RBFOX3: variants seen among roughly 807,000 people sequenced by gnomAD.
RBFOX3 encodes RNA binding protein fox-1 homolog 3.
Under a neutral mutation model 48.7 loss-of-function variants are expected in RBFOX3, and 17 were observed. The observed-to-expected ratio is 0.35, with a 90% confidence interval of 0.24 to 0.52. The LOEUF (loss-of-function observed/expected upper bound fraction) is 0.52, where lower values mean the gene tolerates loss of function less well. Among genes scored for constraint, RBFOX3 ranks in the 20% least tolerant of loss-of-function variants. The pLI, the probability that RBFOX3 is intolerant of heterozygous loss-of-function variation, is 0.94. For synonymous variants in RBFOX3, 212 were observed against 209.5 expected (o/e 1.01, Z -0.10); for missense variants, 382 against 497.5 (o/e 0.77, Z 2.21).
At chr17:79,345,031 T>C (rs945270608) in intron 2 of RBFOX3, among the ~76,000 whole-genome samples, 5 of 152,254 alleles carry the variant, frequency 3.3e-5, no homozygotes, top group African/African-American at 1.2e-4. Flanking sequence ...AAGTTTTTCT[T>C]TGGTTTTGTG....
rs182934856 is a variant in RBFOX3 at position 79,255,572 on chromosome 17, C to T, written c.-73-19767G>A. Among the ~76,000 whole-genome samples the T allele has an allele frequency of 2.0e-5, 3 of 152,214 alleles. No individual in the cohort carries two copies. The East Asian group carries it at 5.9e-4, about 30-fold the overall frequency. On this transcript the variant is annotated intron_variant, in intron 3 of 14. Transcript: ENST00000693108. Reference sequence around the variant, plus strand: ...AGCCAGAAGCCGAGGCTAGCATGAGCCAGCGGCCTTTAATGGGACACTCCA... The same window carrying T: ...AGCCAGAAGCCGAGGCTAGCATGAGTCAGCGGCCTTTAATGGGACACTCCA...
chr17:79,189,913 T>G (rs979293505), intron 4 of RBFOX3, among the ~76,000 whole-genome samples: 1 of 152,208 alleles, frequency 6.6e-6, no homozygotes, highest in African/African-American at 2.4e-5. Flanking sequence ...GGGCCCCCAC[T>G]GCAGACATGA....
intron 5 of RBFOX3, among the ~76,000 whole-genome samples, chr17:79,109,495 T>C (rs1236473108): frequency 6.6e-6 from 1 of 152,210 alleles, no homozygotes; most frequent in South Asian, 2.1e-4. Flanking sequence ...GCCATCCTCC[T>C]TGGTCCCAAG....
intron 1 of RBFOX3, among the ~76,000 whole-genome samples, chr17:79,547,822 T>C (rs1209213199): frequency 6.8e-6 from 1 of 147,636 alleles, no homozygotes; most frequent in Non-Finnish European, 1.5e-5. Flanking sequence ...GTTGGGTACC[T>C]GGGCTGTACT....
the RBFOX3 span, among the ~76,000 whole-genome samples, chr17:79,656,761 G>A: frequency 2.5e-4 from 14 of 55,650 alleles, no homozygotes; most frequent in South Asian, 1.9e-3. Flanking sequence ...AAGGAAGGAA[G>A]GAAGGAAGGA....
At chr17:79,359,541 C>T (rs1427176888) in intron 2 of RBFOX3, among the ~76,000 whole-genome samples, 2 of 152,210 alleles carry the variant, frequency 1.3e-5, no homozygotes, top group African/African-American at 2.4e-5. Flanking sequence ...CTCCTAATCT[C>T]TGCACCCAGA....
intron 4 of RBFOX3, among the ~76,000 whole-genome samples, chr17:79,173,832 A>G (rs1405412834): frequency 6.8e-6 from 1 of 146,948 alleles, no homozygotes; most frequent in Non-Finnish European, 1.5e-5. Flanking sequence ...ATCGGAATGG[A>G]CTCTCCATGG....
chr17:79,310,088 G>A (rs1303926564), intron 2 of RBFOX3, among the ~76,000 whole-genome samples: 2 of 152,184 alleles, frequency 1.3e-5, no homozygotes, highest in African/African-American at 4.8e-5. Flanking sequence ...AGGTGCTCAG[G>A]GAATGAGGAA....
intron 5 of RBFOX3, among the ~76,000 whole-genome samples, chr17:79,112,920 T>C (rs1318223157): frequency 1.0e-4 from 3 of 29,512 alleles, no homozygotes; most frequent in Non-Finnish European, 1.9e-4. Context: ...GGGGGTGGGC[T>C]GGGTAGGACT....
intron 1 of RBFOX3, among the ~76,000 whole-genome samples, chr17:79,529,478 C>T (rs1389174022): frequency 9.2e-5 from 14 of 152,150 alleles, no homozygotes; most frequent in Admixed American, 2.6e-4. Flanking sequence ...GAGTGGGATG[C>T]GTGCAAAGAA....
chr17:79,112,904 C>CGGCGGGGGGGGGGGGG lies in RBFOX3; in HGVS notation c.222+2589_222+2590insCCCCCCCCCCCCCGCC, dbSNP rs1307784460. ...GGTGCCAACCTGGGCAGCAGGCTCT[C>CGGCGGGGGGGGGGGGG]GGGGGGGGGGTGGGCTGGGTAGGAC... On this transcript the variant is annotated intron_variant, in intron 5 of 14. Transcript: ENST00000693108. 5.1e-3 allele frequency among the ~76,000 whole-genome samples: 53 copies of CGGCGGGGGGGGGGGGG among 10,314 alleles called. 1 individual carries two copies. The highest frequency in any genetic ancestry group is 5.5e-3 in the Admixed American group (6 of 1,084). The allele number at this position is 10,314 out of a possible 152,430, so 6.8% of individuals were successfully genotyped here. A position where few individuals can be genotyped will look rare whatever the true frequency, so the allele number is the denominator to read the frequency against.
At chr17:79,408,391 G>A (rs767733746) in intron 2 of RBFOX3, among the ~76,000 whole-genome samples, 4 of 152,194 alleles carry the variant, frequency 2.6e-5, no homozygotes, top group Non-Finnish European at 5.9e-5. Context: ...AGAATCAGCC[G>A]AAGAACTTAA....
At chr17:79,099,009 G>A (rs1209481879) in intron 9 of RBFOX3, 1 of 152,266 alleles carries the variant, frequency 6.6e-6, no homozygotes, top group Admixed American at 6.5e-5. Context: ...CTCTGGCCAA[G>A]TCTTCACCCC....
chr17:79,179,245 C>A lies in RBFOX3; in HGVS notation c.-34+56521G>T, dbSNP rs114632041. Among the ~76,000 whole-genome samples the A allele has an allele frequency of 4.4e-3, 670 of 152,296 alleles. 4 individuals are homozygous for A. Among genetic ancestry groups the A allele is most frequent in the African/African-American group, 0.015 (638 of 41,562 alleles). On this transcript the variant is annotated intron_variant, in intron 4 of 14. Coordinates refer to ENST00000693108, the MANE Select transcript of RBFOX3 (RefSeq NM_001350451.2). Reference sequence around the variant, plus strand: ...CTCCTAATGAATCTCAGAACAGACCCTAGAATCCCCCTGCCCCTCGGCGGA... The same window carrying A: ...CTCCTAATGAATCTCAGAACAGACCATAGAATCCCCCTGCCCCTCGGCGGA...
At chr17:79,325,123 G>T (rs1464515724) in intron 2 of RBFOX3, among the ~76,000 whole-genome samples, 1 of 152,234 alleles carries the variant, frequency 6.6e-6, no homozygotes, top group African/African-American at 2.4e-5. Context: ...CACCACCCCT[G>T]TGCCCATTCC....
At chr17:79,109,035 C>A (rs991726382) in intron 5 of RBFOX3, among the ~76,000 whole-genome samples, 3 of 152,384 alleles carry the variant, frequency 2.0e-5, no homozygotes, top group Non-Finnish European at 2.9e-5. Flanking sequence ...CGCTGCAGGA[C>A]CTGTCTCAGC....
intron 2 of RBFOX3, among the ~76,000 whole-genome samples, chr17:79,359,145 GGATTTAAAC>G (rs759049950): frequency 4.9e-4 from 74 of 152,322 alleles, no homozygotes; most frequent in Non-Finnish European, 8.1e-4. Context: ...TGGGTTAGAC[GGATTTAAAC>G]GTATCCCTAA....
chr17:79,617,385 C>T, the RBFOX3 span, among the ~76,000 whole-genome samples: 3 of 152,180 alleles, frequency 2.0e-5, no homozygotes, highest in South Asian at 4.2e-4. Context: ...CGCCTTCCCT[C>T]GATCACAAGC....
At chr17:79,206,320 G>C (rs2057472855) in intron 4 of RBFOX3, among the ~76,000 whole-genome samples, 1 of 152,154 alleles carries the variant, frequency 6.6e-6, no homozygotes, top group Non-Finnish European at 1.5e-5. Context: ...TATCCGTTTT[G>C]AGTAGGTCCC....
Sources: allele counts gnomAD v4.1 joint callset (sites outside exome capture counted in the v4.1 genomes callset), GRCh38; gene constraint gnomAD v4.1.1; transcripts MANE v1.5; gene names NCBI Gene and HGNC (gene_info 2026-07-23, HGNC 2026-07-21).